SNX29: variants seen among roughly 807,000 people sequenced by gnomAD.
SNX29 encodes sorting nexin 29, also known as sorting nexin-29.
In SNX29, 78 loss-of-function variants were observed where a neutral mutation model predicts 102.1. The observed-to-expected ratio is 0.76, with a 90% CI of 0.64 to 0.92. The LOEUF is 0.92. Ranked by LOEUF, SNX29 falls within the 40% of genes least tolerant of loss-of-function variation. The pLI, the probability that SNX29 is intolerant of heterozygous loss-of-function variation, is 0.00. For missense variants in SNX29, 1,280 were observed against 1,061.7 expected (o/e 1.21, Z -2.86); for synonymous variants, 580 against 414.5 (o/e 1.40, Z -4.85).
intron 3 of SNX29, among the ~76,000 whole-genome samples, chr16:12,023,394 TGAGACTCTGTCTCAAAAAAAAAAAA>T (rs2057087086): frequency 8.5e-6 from 1 of 118,220 alleles, no homozygotes; most frequent in Non-Finnish European, 1.7e-5. Flanking sequence ...CTCAACAAAG[TGAGACTCTGTCTCAAAAAAAAAAAA>T]AAAAAAAAAG....
intron 18 of SNX29, among the ~76,000 whole-genome samples, chr16:12,473,037 A>G (rs1352157350): frequency 6.6e-6 from 1 of 152,106 alleles, no homozygotes; most frequent in African/African-American, 2.4e-5. Context: ...AGGAATTATT[A>G]TCTTTATGGC....
chr16:12,572,881 C>G lies in SNX29; in HGVS notation c.*4252C>G, dbSNP rs1212009045. 4 of 1,058,976 alleles carry G rather than the reference C, an allele frequency of 3.8e-6. No homozygotes were observed. Among genetic ancestry groups the G allele is most frequent in the Non-Finnish European group, 4.6e-6 (4 of 873,894 alleles). 65.6% of individuals were successfully genotyped at this position (1,058,976 alleles called of 1,614,324 possible). A position where few individuals can be genotyped will look rare whatever the true frequency, so the allele number is the denominator to read the frequency against. ...CCTAAAGGTAATGATTGTCTTGACTCTGCCTTGGCATTTCGCTCGGAATCA... is the reference window on the plus strand; with the variant it reads ...CCTAAAGGTAATGATTGTCTTGACTGTGCCTTGGCATTTCGCTCGGAATCA... On this transcript the variant is annotated 3_prime_UTR_variant, in exon 21 of 21. Transcript: ENST00000566228.
chr16:12,565,037 G>C (rs578211497), intron 20 of SNX29, among the ~76,000 whole-genome samples: 13 of 152,218 alleles, frequency 8.5e-5, no homozygotes, highest in South Asian at 2.1e-4. Flanking sequence ...GATGAGCCTG[G>C]CACTGGCTTC....
rs369273434 is a variant in SNX29, at chr16:12,393,018, G to A, written c.1900-5428G>A. On this transcript the variant is annotated intron_variant, in intron 16 of 20. Transcript: ENST00000566228. ...TAAAAGATGAGATGAGAAAGCAAGC[G>A]CATTGGTGGGATGGAAAACAGTTGT... Among the ~76,000 whole-genome samples, 76 of 152,310 alleles carry A rather than the reference G, an allele frequency of 5.0e-4. 2 individuals carry two copies. In the South Asian group the frequency reaches 0.013, roughly 27 times the overall value.
At chr16:11,993,875 C>G (rs549427960) in intron 1 of SNX29, among the ~76,000 whole-genome samples, 1 of 152,194 alleles carries the variant, frequency 6.6e-6, no homozygotes, top group South Asian at 2.1e-4. Context: ...AATCCCAACA[C>G]TTTGGAAGGC....
At chr16:12,555,996 T>G (rs1346667841) in intron 20 of SNX29, among the ~76,000 whole-genome samples, 1 of 152,186 alleles carries the variant, frequency 6.6e-6, no homozygotes, top group Non-Finnish European at 1.5e-5. Flanking sequence ...GTGTTTTTTT[T>G]GTTCACTTGT....
intron 20 of SNX29, among the ~76,000 whole-genome samples, chr16:12,541,814 A>C (rs1036407608): frequency 1.3e-5 from 2 of 152,076 alleles, no homozygotes; most frequent in Non-Finnish European, 2.9e-5. Context: ...GGCAGGAACC[A>C]AGCTCGCCTC....
intron 7 of SNX29, 95 bp from the exon 8 acceptor site, chr16:12,051,752 T>G (rs2151217728): frequency 1.3e-6 from 2 of 1,500,482 alleles, no homozygotes; most frequent in Non-Finnish European, 9.0e-7. Context: ...CTCACTCGAA[T>G]AGTATTTTCC....
At chr16:12,472,189 C>G (rs1483246144) in intron 18 of SNX29, among the ~76,000 whole-genome samples, 1 of 152,036 alleles carries the variant, frequency 6.6e-6, no homozygotes, top group Non-Finnish European at 1.5e-5. Context: ...AAACTAGACC[C>G]AGAGGAGCAC....
intron 11 of SNX29, among the ~76,000 whole-genome samples, chr16:12,121,903 C>T (rs1024913662): frequency 2.0e-5 from 3 of 152,196 alleles, no homozygotes; most frequent in African/African-American, 7.2e-5. Context: ...GCAACCTCTG[C>T]CTCCCGGGTT....
intron 16 of SNX29, among the ~76,000 whole-genome samples, chr16:12,371,100 T>G (rs16959350): frequency 6.6e-6 from 1 of 152,130 alleles, no homozygotes; most frequent in African/African-American, 2.4e-5. Context: ...CTCCCAGATA[T>G]TCGAAAATGG....
At chr16:12,185,546 G>A (rs555179531) in intron 13 of SNX29, among the ~76,000 whole-genome samples, 1 of 152,158 alleles carries the variant, frequency 6.6e-6, no homozygotes, top group Non-Finnish European at 1.5e-5. Flanking sequence ...GATACGTGGT[G>A]ATGGTCCCCC....
chr16:12,563,538 C>T (rs1246782721), intron 20 of SNX29, among the ~76,000 whole-genome samples: 2 of 152,148 alleles, frequency 1.3e-5, no homozygotes, highest in African/African-American at 4.8e-5. Flanking sequence ...GAGTTGTCTC[C>T]CACCACTACC....
At chr16:12,073,340 C>T (rs531246861) in intron 10 of SNX29, among the ~76,000 whole-genome samples, 8 of 152,166 alleles carry the variant, frequency 5.3e-5, no homozygotes, top group Non-Finnish European at 1.0e-4. Context: ...CACACTGCTT[C>T]AAATGTGTCC....
At chr16:12,500,058 C>G (rs866559454) in intron 19 of SNX29, among the ~76,000 whole-genome samples, 12 of 152,010 alleles carry the variant, frequency 7.9e-5, no homozygotes, top group Non-Finnish European at 1.6e-4. Flanking sequence ...GTGGCGTGAT[C>G]ATAGCACACT....
At chr16:12,293,280 C>G (rs1235913891) in intron 15 of SNX29, among the ~76,000 whole-genome samples, 1 of 152,180 alleles carries the variant, frequency 6.6e-6, no homozygotes, top group African/African-American at 2.4e-5. Context: ...TCACGACAAC[C>G]TTGCAAGGTA....
chr16:12,566,107 C>G (rs911553715), intron 20 of SNX29, among the ~76,000 whole-genome samples: 1 of 152,238 alleles, frequency 6.6e-6, no homozygotes, highest in South Asian at 2.1e-4. Flanking sequence ...AACCACCCCA[C>G]CTTTATTCTG....
chr16:12,167,185 CTG>C (rs1315023481), intron 13 of SNX29, among the ~76,000 whole-genome samples: 1 of 152,180 alleles, frequency 6.6e-6, no homozygotes, highest in Non-Finnish European at 1.5e-5. Flanking sequence ...CATTTGGAAA[CTG>C]TTTTTTCTTT....
At chr16:12,379,637 T>A (rs1414527261) in intron 16 of SNX29, among the ~76,000 whole-genome samples, 1 of 152,234 alleles carries the variant, frequency 6.6e-6, no homozygotes, top group East Asian at 1.9e-4. Context: ...AAAAGGGATG[T>A]TAATTGCACT....
Sources: allele counts gnomAD v4.1 joint callset (sites outside exome capture counted in the v4.1 genomes callset), GRCh38; gene constraint gnomAD v4.1.1; transcripts MANE v1.5; gene names NCBI Gene and HGNC (gene_info 2026-07-23, HGNC 2026-07-21).